Variants in DMXL2 observed in about 807,000 individuals in gnomAD.
The protein encoded by DMXL2 is dmX-like protein 2.
Under a neutral mutation model 331.1 loss-of-function variants are expected in DMXL2, and 103 were observed. The ratio of observed to expected loss-of-function variants is 0.31; its 90% CI spans 0.27 to 0.37. The LOEUF is 0.37. Among genes scored for constraint, DMXL2 ranks in the 10% least tolerant of loss-of-function variants. The pLI, the probability that DMXL2 is intolerant of heterozygous loss-of-function variation, is 1.00. For missense variants in DMXL2, 3,171 were observed against 3,642.9 expected (o/e 0.87, Z 3.33); for synonymous variants, 1,281 against 1,252.1 (o/e 1.02, Z -0.49).
chr15:51,526,149 G>A (rs1221382030), intron 13 of DMXL2, among the ~76,000 whole-genome samples: 1 of 128,508 alleles, frequency 7.8e-6, no homozygotes, highest in Non-Finnish European at 1.7e-5. Flanking sequence ...GGAGAGAGAG[G>A]GGGTGGGAGA....
In DMXL2 at chr15:51,448,317, C is replaced by A. The variant is rs1373365770; in HGVS notation, c.*667G>T. On this transcript the variant is annotated 3_prime_UTR_variant, in exon 44 of 44. Transcript: ENST00000560891. ...ACATAGTACATTCCTAACATGAAGG[C>A]AAATATTTAAATAGAAAAACTAGCA... 1 of 153,106 alleles carries A rather than the reference C, an allele frequency of 6.5e-6. No homozygotes were observed. The highest frequency in any genetic ancestry group is 1.9e-4 in the East Asian group (1 of 5,202). 9.5% of individuals were successfully genotyped at this position (153,106 alleles called of 1,614,324 possible). A position where few individuals can be genotyped will look rare whatever the true frequency, so the allele number is the denominator to read the frequency against.
Position 51,456,334 on chromosome 15 carries a change from C to A in DMXL2, c.8373G>T (p.Met2791Ile). 3 of 1,597,160 alleles carry A rather than the reference C, an allele frequency of 1.9e-6. No homozygotes were observed. The highest frequency in any genetic ancestry group is 2.3e-5 in the South Asian group (2 of 87,780). Residue 2791 changes from methionine (M) to isoleucine (I), a missense_variant, in exon 38 of 44, where the codon ATG (methionine) becomes ATT (isoleucine). Coordinates refer to ENST00000560891, the MANE Select transcript of DMXL2 (RefSeq NM_001378457.1). ...MKRNLHNVKR[M>I]TSHPVHQYYL... ...AGTATTGATGGACTGGGTGTGAAGT[C>A]ATTCTCTTAACATTATGTAGATTCC...
chr15:51,468,848 C>A (rs966147812), intron 29 of DMXL2, among the ~76,000 whole-genome samples: 3 of 151,980 alleles, frequency 2.0e-5, no homozygotes, highest in African/African-American at 7.3e-5. Flanking sequence ...TTTCACTTGA[C>A]AAGATTCAGA....
At chr15:51,449,307 A>G in intron 43 of DMXL2, 114 bp from the exon 44 acceptor site, 1 of 898,932 alleles carries the variant, frequency 1.1e-6, no homozygotes, top group Non-Finnish European at 1.7e-6. Flanking sequence ...CTTCCCACCC[A>G]CTGCCTCTTT....
In DMXL2 at chr15:51,499,655, T is replaced by C. The variant is rs1474876288; in HGVS notation, c.3569A>G (p.Asn1190Ser). The C allele has an allele frequency of 6.2e-7, 1 of 1,614,072 alleles. No homozygotes were observed. The highest frequency in any genetic ancestry group is 8.5e-7 in the Non-Finnish European group (1 of 1,180,014). The change falls in exon 18 of 44, where the codon AAT becomes AGT. Residue 1190 changes from asparagine to serine, a missense_variant. Asn to Ser is a conservative substitution (Grantham distance 46). Around this residue, in one of 7 missense-constraint regions of DMXL2, gnomAD observed 1,674 missense variants for 1,780.2 expected, o/e 0.94. Coordinates refer to ENST00000560891, the MANE Select transcript of DMXL2 (RefSeq NM_001378457.1). ...TGAAAGCCTTCCATACATGAAGATATTCGCACCGACTCCCACTGTAAGAAT... is the reference window on the plus strand; with the variant it reads ...TGAAAGCCTTCCATACATGAAGATACTCGCACCGACTCCCACTGTAAGAAT... ...SHILTVGVGA[N>S]IFMYGRLSGI... is the part of the protein sequence containing the mutation.
At chr15:51,607,082 TG>T (rs1595733014) in intron 1 of DMXL2, among the ~76,000 whole-genome samples, 1 of 136,554 alleles carries the variant, frequency 7.3e-6, no homozygotes, top group East Asian at 2.2e-4. Context: ...CGCTTGAACC[TG>T]GGAGGTGGAA....
chr15:51,568,431 T>C, intron 3 of DMXL2, 56 bp downstream of exon 3: 1 of 1,198,490 alleles, frequency 8.3e-7, no homozygotes, highest in Non-Finnish European at 1.2e-6. Flanking sequence ...TTAACATCAA[T>C]TGGATTCTAA....
chr15:51,550,182 T>C (rs888038638), intron 6 of DMXL2, among the ~76,000 whole-genome samples: 3 of 152,094 alleles, frequency 2.0e-5, no homozygotes, highest in African/African-American at 7.2e-5. Context: ...AATCAAATGA[T>C]CATCTCAACA....
chr15:51,531,002 C>T (rs2047970929), intron 13 of DMXL2, among the ~76,000 whole-genome samples: 1 of 152,160 alleles, frequency 6.6e-6, no homozygotes, highest in Non-Finnish European at 1.5e-5. Context: ...AAAAACACCA[C>T]TGACATTCTT....
chr15:51,556,252 A>C (rs1194426620), intron 6 of DMXL2, among the ~76,000 whole-genome samples: 1 of 150,082 alleles, frequency 6.7e-6, no homozygotes, highest in Non-Finnish European at 1.5e-5. Context: ...CTGAGGCAGG[A>C]GAATGGCGTG....
At chr15:51,611,959 G>A (rs1349484302) in intron 1 of DMXL2, among the ~76,000 whole-genome samples, 2 of 152,312 alleles carry the variant, frequency 1.3e-5, no homozygotes, top group Admixed American at 6.5e-5. Flanking sequence ...CAACCCGCTC[G>A]GGTCCCCTTC....
At chr15:51,532,572 T>C (rs1020601271) in intron 13 of DMXL2, among the ~76,000 whole-genome samples, 8 of 152,172 alleles carry the variant, frequency 5.3e-5, no homozygotes, top group African/African-American at 1.4e-4. Context: ...TATGCGGTGA[T>C]AGATACCCCA....
chr15:51,453,482 G>C (rs774556103), intron 41 of DMXL2, 68 bp downstream of exon 41: 18 of 1,186,744 alleles, frequency 1.5e-5, no homozygotes, highest in Non-Finnish European at 1.9e-5. Context: ...TAATAGAAAA[G>C]TATTCTTGCT....
At chr15:51,621,747 A>T (rs1317184964) in intron 1 of DMXL2, among the ~76,000 whole-genome samples, 1 of 109,636 alleles carries the variant, frequency 9.1e-6, no homozygotes, top group East Asian at 1.9e-4. Context: ...TTACTATATT[A>T]AAAAAAAGGC....
At chr15:51,514,746 A>G (rs114319661) in intron 14 of DMXL2, among the ~76,000 whole-genome samples, 187 bp from the exon 15 acceptor site, 2 of 152,150 alleles carry the variant, frequency 1.3e-5, no homozygotes, top group African/African-American at 4.8e-5. Context: ...TCAGAGAAAA[A>G]TTACTTTCAA....
At chr15:51,449,591 AC>A (rs1158879238) in intron 43 of DMXL2, among the ~76,000 whole-genome samples, 1 of 152,230 alleles carries the variant, frequency 6.6e-6, no homozygotes, top group Non-Finnish European at 1.5e-5. Flanking sequence ...TGAAAGCAAT[AC>A]GCATTCAGCA....
Position 51,481,301 on chromosome 15 carries a change from A to C in DMXL2, c.5805T>G (p.Pro1935=). Reference sequence around the variant, plus strand: ...CATCACTCAGAGCTTTTGAATGTGAAGGTACATCATCCATCCTGTGAGAAA... The same window carrying C: ...CATCACTCAGAGCTTTTGAATGTGACGGTACATCATCCATCCTGTGAGAAA... The part of the protein sequence containing the change: ...DFISHRMDDV[P]SHSKALSDGN... The change falls in exon 24 of 44, where the codon CCT becomes CCG. Residue 1935 remains proline (P), a synonymous_variant. Transcript: ENST00000560891. 1.2e-6 allele frequency: 2 copies of C among 1,614,134 alleles called. No homozygotes were observed. Among genetic ancestry groups the C allele is most frequent in the Non-Finnish European group, 1.7e-6 (2 of 1,179,998 alleles).
intron 9 of DMXL2, among the ~76,000 whole-genome samples, chr15:51,539,665 C>T (rs1179767434): frequency 6.6e-6 from 1 of 151,934 alleles, no homozygotes; most frequent in African/African-American, 2.4e-5. Flanking sequence ...AAAAATTAGC[C>T]AGGTGTAGTG....
chr15:51,544,699 A>C (rs949139068), intron 8 of DMXL2, among the ~76,000 whole-genome samples: 1 of 152,206 alleles, frequency 6.6e-6, no homozygotes, highest in Non-Finnish European at 1.5e-5. Flanking sequence ...AGTATAGTCA[A>C]TAATGTAGAC....
Sources: allele counts gnomAD v4.1 joint callset (sites outside exome capture counted in the v4.1 genomes callset), GRCh38; gene constraint gnomAD v4.1.1; regional missense constraint gnomAD v4.1.1; transcripts MANE v1.5; gene names NCBI Gene and HGNC (gene_info 2026-07-23, HGNC 2026-07-21).